Variants in ZNF578 observed in about 807,000 individuals in gnomAD.
ZNF578 encodes the protein Putative chemokine-related protein B42.
Under a neutral mutation model 8.3 loss-of-function variants are expected in ZNF578, and 8 were observed. The observed-to-expected ratio is 0.96, with a 90% CI of 0.56 to 1.74. The LOEUF (loss-of-function observed/expected upper bound fraction) is 1.74. Ranked by LOEUF, ZNF578 falls within the 40% of genes most tolerant of loss-of-function variation. The pLI is 0.00. For missense variants in ZNF578, 726 were observed against 707.5 expected (o/e 1.03, Z -0.30); for synonymous variants, 206 against 232.2 (o/e 0.89, Z 1.03).
intron 2 of ZNF578, among the ~76,000 whole-genome samples, chr19:52,487,605 T>C (rs1178875814): frequency 6.6e-6 from 1 of 152,120 alleles, no homozygotes; most frequent in African/African-American, 2.4e-5. Context: ...GGGAAAAAAG[T>C]CACCGTCTGT....
At chr19:52,496,475 G>A (rs1004537852) in intron 3 of ZNF578, among the ~76,000 whole-genome samples, 2 of 143,546 alleles carry the variant, frequency 1.4e-5, no homozygotes, top group East Asian at 4.1e-4. Flanking sequence ...GACTACATGC[G>A]CCCGCCACCG....
At chr19:52,454,684 GGTCA>G (rs2059233879) in intron 1 of ZNF578, 1 of 152,176 alleles carries the variant, frequency 6.6e-6, no homozygotes, top group Admixed American at 6.5e-5. Context: ...GTGTTTATCT[GGTCA>G]GTCAGAAGTA....
At chr19:52,498,218 A>G (rs2059393645) in intron 3 of ZNF578, among the ~76,000 whole-genome samples, 1 of 151,146 alleles carries the variant, frequency 6.6e-6, no homozygotes, top group Non-Finnish European at 1.5e-5. Flanking sequence ...GTGCAGTGAC[A>G]TGATCTCAGC....
At chr19:52,463,736 C>T (rs1263910900) in intron 2 of ZNF578, among the ~76,000 whole-genome samples, 1 of 152,134 alleles carries the variant, frequency 6.6e-6, no homozygotes. Context: ...TCTTCTAATA[C>T]TGTAATCACC....
At chr19:52,492,532 T>G (rs1200420586) in intron 3 of ZNF578, among the ~76,000 whole-genome samples, 1 of 152,208 alleles carries the variant, frequency 6.6e-6, no homozygotes, top group African/African-American at 2.4e-5. Flanking sequence ...CATATGTTCC[T>G]CCCAGGCAGG....
At chr19:52,492,537 G>A (rs974878265) in intron 3 of ZNF578, among the ~76,000 whole-genome samples, 2 of 152,170 alleles carry the variant, frequency 1.3e-5, no homozygotes, top group Non-Finnish European at 2.9e-5. Flanking sequence ...GTTCCTCCCA[G>A]GCAGGGCTTT....
Position 52,510,775 on chromosome 19 carries a change from A to G in ZNF578, c.394A>G (p.Ile132Val), listed in dbSNP as rs1482134599. 1 of 1,613,082 alleles carries G rather than the reference A, an allele frequency of 6.2e-7. No homozygotes were observed. Among genetic ancestry groups the G allele is most frequent in the Admixed American group, 1.7e-5 (1 of 59,884 alleles). ...TGGCCATGAAGCATCCATGCCAAAA[A>G]TCAAAGAGTTGATGGGTAGCACAGA... ...RNGHEASMPKIKELMGSTDRH... is the reference protein window; with the variant it reads ...RNGHEASMPKVKELMGSTDRH... Residue 132 changes from isoleucine to valine, a missense_variant, in exon 6 of 6, where the codon ATC (isoleucine) becomes GTC (valine). Physicochemically the swap from Ile to Val is conservative, Grantham distance 29. Transcript: ENST00000421239.
intron 5 of ZNF578, among the ~76,000 whole-genome samples, chr19:52,509,269 T>C (rs1339810979): frequency 6.6e-6 from 1 of 152,150 alleles, no homozygotes; most frequent in Non-Finnish European, 1.5e-5. Flanking sequence ...AAGGTAGTGA[T>C]CTTAACATGT....
At chr19:52,508,024 G>T (rs2059431381) in intron 5 of ZNF578, among the ~76,000 whole-genome samples, 1 of 151,794 alleles carries the variant, frequency 6.6e-6, no homozygotes, top group African/African-American at 2.4e-5. Context: ...TCTCCAGCCT[G>T]GGCAACAACA....
Position 52,501,999 on chromosome 19 carries a change from G to A in ZNF578, c.63+91G>A, listed in dbSNP as rs2059409694. 5.3e-6 allele frequency: 8 copies of A among 1,510,228 alleles called. No homozygotes were observed. In the East Asian group the frequency reaches 1.9e-4, roughly 35 times the overall value. The allele number at this position is 1,510,228 out of a possible 1,614,324, so 93.6% of individuals were successfully genotyped here. ...TGTATTGTAGTAATGTATTGTAACA[G>A]CCAGTCTTTTCTGAGTCTGAAGCAT... On this transcript the variant is annotated intron_variant, in intron 4 of 5. Coordinates refer to ENST00000421239, the MANE Select transcript of ZNF578 (RefSeq NM_001099694.2).
chr19:52,506,243 T>C (rs1421018456), intron 5 of ZNF578, among the ~76,000 whole-genome samples: 1 of 152,190 alleles, frequency 6.6e-6, no homozygotes, highest in Admixed American at 6.6e-5. Context: ...CCATTTTATG[T>C]GTATACCACA....
chr19:52,512,335 A>G lies in ZNF578; in HGVS notation c.*181A>G. On this transcript the variant is annotated 3_prime_UTR_variant, in exon 6 of 6. Coordinates refer to ENST00000421239, the MANE Select transcript of ZNF578 (RefSeq NM_001099694.2). ...CCATCAGGCCATTCATGGTGTAGGG[A>G]AACTTGACTAATGTAATGATTGTCA... 2 of 1,529,460 alleles carry G rather than the reference A, an allele frequency of 1.3e-6. No individual in the cohort carries two copies. The highest frequency in any genetic ancestry group is 1.8e-6 in the Non-Finnish European group (2 of 1,104,080). 94.7% of individuals were successfully genotyped at this position (1,529,460 alleles called of 1,614,324 possible).
rs753542790 is a variant in ZNF578, at chr19:52,511,026, A to G, written c.645A>G (p.Ser215=). ...PNNYGNNFFH[S]SLLTQKQEVH... ...ACTATGGGAATAATTTTTTCCATTCATCATTACTCACACAAAAACAGGAAG... is the reference window on the plus strand; with the variant it reads ...ACTATGGGAATAATTTTTTCCATTCGTCATTACTCACACAAAAACAGGAAG... The change falls in exon 6 of 6, where the codon TCA becomes TCG. Residue 215 remains serine (S), a synonymous_variant. Coordinates refer to ENST00000421239, the MANE Select transcript of ZNF578 (RefSeq NM_001099694.2). 3 of 1,614,110 alleles carry G rather than the reference A, an allele frequency of 1.9e-6. No individual in the cohort carries two copies. The highest frequency in any genetic ancestry group is 2.7e-5 in the African/African-American group (2 of 74,940).
chr19:52,494,349 T>A (rs1470590169), intron 3 of ZNF578, among the ~76,000 whole-genome samples: 1 of 151,936 alleles, frequency 6.6e-6, no homozygotes, highest in Non-Finnish European at 1.5e-5. Flanking sequence ...AAAAAAAATT[T>A]AACGGGGCAT....
At chr19:52,493,141 C>T (rs975219291) in intron 3 of ZNF578, among the ~76,000 whole-genome samples, 2 of 152,188 alleles carry the variant, frequency 1.3e-5, no homozygotes, top group African/African-American at 4.8e-5. Flanking sequence ...TCTCCCGCCC[C>T]GTGCTTCTTA....
chr19:52,459,103 T>C (rs2059248241), intron 2 of ZNF578, among the ~76,000 whole-genome samples: 1 of 152,230 alleles, frequency 6.6e-6, no homozygotes, highest in African/African-American at 2.4e-5. Context: ...GGTTTTCCGG[T>C]CCATGATGCT....
At chr19:52,507,651 C>G (rs1388854791) in intron 5 of ZNF578, among the ~76,000 whole-genome samples, 1 of 152,206 alleles carries the variant, frequency 6.6e-6, no homozygotes, top group African/African-American at 2.4e-5. Context: ...AGATTGGCTC[C>G]TGGTGAGAGC....
In ZNF578 at chr19:52,495,488, G is replaced by A. The variant is rs575698293; in HGVS notation, c.-20+4063G>A. Among the ~76,000 whole-genome samples the A allele has an allele frequency of 2.5e-3, 380 of 149,306 alleles. 2 individuals carry two copies. Among genetic ancestry groups the A allele is most frequent in the Non-Finnish European group, 4.1e-3 (272 of 67,102 alleles). On this transcript the variant is annotated intron_variant, in intron 3 of 5. Coordinates refer to ENST00000421239, the MANE Select transcript of ZNF578 (RefSeq NM_001099694.2). ...AAAGAATGGAGCAAAACAGGAGAGG[G>A]GTATAAAATGAGCAGAAGCCCAGGG...
At chr19:52,502,373 G>T (rs2059410977) in intron 4 of ZNF578, among the ~76,000 whole-genome samples, 1 of 152,176 alleles carries the variant, frequency 6.6e-6, no homozygotes, top group Non-Finnish European at 1.5e-5. Context: ...ATCTCATTTG[G>T]TAATGCATTT....
Sources: allele counts gnomAD v4.1 joint callset (sites outside exome capture counted in the v4.1 genomes callset), GRCh38; gene constraint gnomAD v4.1.1; transcripts MANE v1.5; gene names NCBI Gene and HGNC (gene_info 2026-07-23, HGNC 2026-07-21).